Variants in DGKB observed in about 807,000 individuals in gnomAD.
DGKB encodes 90 kDa diacylglycerol kinase.
DGKB carries 67 observed loss-of-function variants against 114.3 expected under a neutral mutation model. The ratio of observed to expected loss-of-function variants is 0.59; its 90% CI spans 0.48 to 0.72. The LOEUF (loss-of-function observed/expected upper bound fraction) is 0.72. Among genes scored for constraint, DGKB ranks in the 30% least tolerant of loss-of-function variants. The pLI is 0.00. For missense variants in DGKB, 907 were observed against 975.2 expected (o/e 0.93, Z 0.93); for synonymous variants, 398 against 323.1 (o/e 1.23, Z -2.49).
intron 25 of DGKB, among the ~76,000 whole-genome samples, chr7:14,157,993 T>C (rs1379849111): frequency 6.6e-6 from 1 of 152,192 alleles, no homozygotes; most frequent in Admixed American, 6.5e-5. Context: ...GTTAAGGACA[T>C]AGACCCAGGA....
chr7:14,163,059 TAATA>T (rs1371029019), intron 25 of DGKB, among the ~76,000 whole-genome samples: 2 of 152,172 alleles, frequency 1.3e-5, no homozygotes, highest in Non-Finnish European at 2.9e-5. Flanking sequence ...GCCTTTAAAT[TAATA>T]GAGCTGTCAA....
chr7:14,298,397 C>T (rs540619360), intron 23 of DGKB, among the ~76,000 whole-genome samples: 1 of 152,186 alleles, frequency 6.6e-6, no homozygotes, highest in African/African-American at 2.4e-5. Flanking sequence ...TCAGAAATAA[C>T]ACCACATATC....
chr7:14,886,215 A>G (rs909929026), intron 1 of DGKB, among the ~76,000 whole-genome samples: 5 of 151,866 alleles, frequency 3.3e-5, no homozygotes, highest in Non-Finnish European at 7.4e-5. Context: ...TAGAATTTCA[A>G]TTAGCCAATA....
At chr7:14,483,928 C>T (rs1163369956) in intron 20 of DGKB, among the ~76,000 whole-genome samples, 4 of 152,034 alleles carry the variant, frequency 2.6e-5, no homozygotes, top group Non-Finnish European at 4.4e-5. Flanking sequence ...GATTTATCAT[C>T]TCTTGAACTG....
In DGKB at chr7:14,922,783, T is replaced by G. The variant is rs147483358; in HGVS notation, c.-188+51913A>C. ...TGAGATACAGTGTTATGTTTTGAGC[T>G]CTGTGTAAATTGAAGATACATTGAG... is the stretch of plus-strand genomic sequence containing the variant. On this transcript the variant is annotated intron_variant, in intron 1 of 4. Transcript: ENST00000437998. Among the ~76,000 whole-genome samples, 159 of 152,272 alleles carry G rather than the reference T, an allele frequency of 1.0e-3. 1 individual carries two copies. The highest frequency in any genetic ancestry group is 3.8e-3 in the African/African-American group (157 of 41,564).
intron 14 of DGKB, among the ~76,000 whole-genome samples, chr7:14,627,767 C>T (rs866337807): frequency 6.6e-6 from 1 of 151,840 alleles, no homozygotes; most frequent in Non-Finnish European, 1.5e-5. Context: ...CATGGTGAAA[C>T]CTCATCTCTA....
At chr7:14,327,454 C>A (rs1200661742) in intron 23 of DGKB, among the ~76,000 whole-genome samples, 1 of 151,908 alleles carries the variant, frequency 6.6e-6, no homozygotes, top group African/African-American at 2.4e-5. Context: ...AAAATAATAT[C>A]TAACTGCACA....
intron 1 of DGKB, among the ~76,000 whole-genome samples, chr7:14,858,458 T>C (rs1295432869): frequency 6.6e-6 from 1 of 152,136 alleles, no homozygotes; most frequent in African/African-American, 2.4e-5. Flanking sequence ...AATATGAATA[T>C]ATGAAAAAGC....
At chr7:14,817,915 G>A (rs1586705926) in intron 2 of DGKB, among the ~76,000 whole-genome samples, 1 of 145,198 alleles carries the variant, frequency 6.9e-6, no homozygotes, top group Non-Finnish European at 1.5e-5. Context: ...GATGCTGACA[G>A]CAAGAATCAA....
intron 6 of DGKB, among the ~76,000 whole-genome samples, chr7:14,703,393 A>G (rs1216147062): frequency 6.6e-6 from 1 of 152,198 alleles, no homozygotes; most frequent in Non-Finnish European, 1.5e-5. Flanking sequence ...TGGGTAGGAT[A>G]TATATAGATA....
intron 23 of DGKB, among the ~76,000 whole-genome samples, chr7:14,269,640 T>C (rs377363627): frequency 1.3e-5 from 2 of 152,198 alleles, no homozygotes; most frequent in East Asian, 1.9e-4. Context: ...GGGACCATTA[T>C]AGGTCAAGAC....
intron 19 of DGKB, among the ~76,000 whole-genome samples, chr7:14,580,481 A>G (rs2128722514): frequency 6.6e-6 from 1 of 152,350 alleles, no homozygotes; most frequent in East Asian, 1.9e-4. Flanking sequence ...CTAATTCATT[A>G]GCCTTTCATC....
At chr7:14,390,247 G>T (rs1172051296) in intron 21 of DGKB, among the ~76,000 whole-genome samples, 1 of 152,090 alleles carries the variant, frequency 6.6e-6, no homozygotes, top group Non-Finnish European at 1.5e-5. Context: ...AACAGTAAAA[G>T]CTATCAGAAC....
intron 16 of DGKB, among the ~76,000 whole-genome samples, chr7:14,610,186 A>G (rs183175601): frequency 3.7e-4 from 56 of 152,270 alleles, no homozygotes; most frequent in Admixed American, 6.6e-4. Context: ...AATACTACAC[A>G]GCCATTACAA....
chr7:14,762,789 G>A (rs1310351543), intron 2 of DGKB, among the ~76,000 whole-genome samples: 1 of 152,070 alleles, frequency 6.6e-6, no homozygotes, highest in Non-Finnish European at 1.5e-5. Context: ...CAGAATGCTT[G>A]GCTGAATGTC....
intron 21 of DGKB, among the ~76,000 whole-genome samples, chr7:14,350,169 G>A (rs1053752585): frequency 2.6e-5 from 4 of 152,064 alleles, no homozygotes; most frequent in Non-Finnish European, 4.4e-5. Flanking sequence ...CTGTAATTTT[G>A]CTTCTTTTAC....
At chr7:14,852,487 C>CAAAAAAAAAACAACAAAAAAA (rs1554304256) in intron 1 of DGKB, among the ~76,000 whole-genome samples, 1,828 of 63,466 alleles carry the variant, frequency 0.029, 141 homozygotes, top group Non-Finnish European at 0.038. Context: ...TAGTGAAAGT[C>CAAAAAAAAAACAACAAAAAAA]AAAAAAAAAA....
At chr7:14,221,030 A>T (rs955068840) in intron 23 of DGKB, among the ~76,000 whole-genome samples, 6 of 151,396 alleles carry the variant, frequency 4.0e-5, no homozygotes, top group Non-Finnish European at 8.9e-5. Flanking sequence ...ACTTATAAGC[A>T]TGCCAAACTC....
At chr7:14,874,322 T>G (rs910506477) in intron 1 of DGKB, among the ~76,000 whole-genome samples, 1 of 152,076 alleles carries the variant, frequency 6.6e-6, no homozygotes. Flanking sequence ...TTTACAAAAA[T>G]ACGATTTTTA....
Sources: allele counts gnomAD v4.1 joint callset (sites outside exome capture counted in the v4.1 genomes callset), GRCh38; gene constraint gnomAD v4.1.1; transcripts MANE v1.5; gene names NCBI Gene and HGNC (gene_info 2026-07-23, HGNC 2026-07-21).